The following CALU variants were observed in gnomAD, a reference collection of about 807,000 sequenced individuals.
CALU encodes the protein calumenin, also known as IEF SSP 9302.
Under a neutral mutation model 37.5 loss-of-function variants are expected in CALU, and 13 were observed. The ratio of observed to expected loss-of-function variants is 0.35; its 90% CI spans 0.23 to 0.55. The LOEUF is 0.55. Among genes scored for constraint, CALU ranks in the 20% least tolerant of loss-of-function variants. The pLI is 0.89. For missense variants in CALU, 282 were observed against 391.7 expected, an observed-to-expected ratio of 0.72 and a Z score of 2.36; for synonymous variants, 114 against 133.8, an observed-to-expected ratio of 0.85 and a Z score of 1.02.
intron 1 of CALU, among the ~76,000 whole-genome samples, chr7:128,741,220 A>G (rs1376325144): frequency 6.6e-6 from 1 of 152,256 alleles, no homozygotes; most frequent in African/African-American, 2.4e-5. Context: ...AAGACAGCTG[A>G]AATAACACTT....
chr7:128,740,172 G>A (rs1439019380), intron 1 of CALU, among the ~76,000 whole-genome samples: 1 of 152,164 alleles, frequency 6.6e-6, no homozygotes, highest in Non-Finnish European at 1.5e-5. Flanking sequence ...TATAGCTGCC[G>A]CGATTAAGCG....
chr7:128,772,509 T>G lies in CALU; in HGVS notation c.*3342T>G, dbSNP rs1262328678. On this transcript the variant is annotated 3_prime_UTR_variant, in exon 7 of 7. Coordinates refer to ENST00000249364, the MANE Select transcript of CALU (RefSeq NM_001219.5). The stretch of plus-strand genomic sequence containing the variant: ...CTTACTTAAAAGTAAAATTTAATTC[T>G]AGCTGTTGCAAACAGGCCAATATTG... 3.1e-6 allele frequency: 5 copies of G among 1,613,934 alleles called. No individual in the cohort carries two copies. Among genetic ancestry groups the G allele is most frequent in the Non-Finnish European group, 4.2e-6 (5 of 1,179,800 alleles).
chr7:128,765,655 A>C (rs1295624038), intron 5 of CALU, among the ~76,000 whole-genome samples: 1 of 152,236 alleles, frequency 6.6e-6, no homozygotes, highest in African/African-American at 2.4e-5. Context: ...TACAATTATT[A>C]ATACACAATT....
intron 3 of CALU, among the ~76,000 whole-genome samples, chr7:128,755,739 G>A (rs1211754487): frequency 2.0e-5 from 3 of 152,134 alleles, no homozygotes; most frequent in African/African-American, 7.2e-5. Flanking sequence ...ATGATCCAGG[G>A]TGTTTTTATT....
rs151294368 is a variant in CALU at position 128,767,622 on chromosome 7, C to T, written c.810C>T (p.Ala270=). ...PSDYDHAEAE[A]RHLVYESDQN... ...ACTATGATCATGCAGAGGCAGAAGCCAGGCACCTGGTCTATGAATCAGACC... is the reference window on the plus strand; with the variant it reads ...ACTATGATCATGCAGAGGCAGAAGCTAGGCACCTGGTCTATGAATCAGACC... The change falls in exon 6 of 7, where the codon GCC becomes GCT. Residue 270 remains alanine, a synonymous_variant. Coordinates refer to ENST00000249364, the MANE Select transcript of CALU (RefSeq NM_001219.5). 1 of 1,614,180 alleles carries T rather than the reference C, an allele frequency of 6.2e-7. No individual in the cohort carries two copies. The highest frequency in any genetic ancestry group is 1.3e-5 in the African/African-American group (1 of 75,050).
At chr7:128,743,063 A>G (rs1297420217) in intron 1 of CALU, among the ~76,000 whole-genome samples, 1 of 152,168 alleles carries the variant, frequency 6.6e-6, no homozygotes, top group African/African-American at 2.4e-5. Context: ...GAAATGTAAC[A>G]CTTATACCAA....
At chr7:128,745,848 TAGAC>T (rs1489797698) in intron 1 of CALU, among the ~76,000 whole-genome samples, 1 of 152,158 alleles carries the variant, frequency 6.6e-6, no homozygotes, top group Non-Finnish European at 1.5e-5. Context: ...TCATACAAAT[TAGAC>T]AGTACAGCAG....
rs1393650187 is a variant in CALU at position 128,771,717 on chromosome 7, C to T, written c.*2550C>T. ...CGTATAACTGGAGAGACCTGCTGCT[C>T]GTTATATAATTATCTGATACCAAAC... On this transcript the variant is annotated 3_prime_UTR_variant, in exon 7 of 7. Coordinates refer to ENST00000249364, the MANE Select transcript of CALU (RefSeq NM_001219.5). 3.9e-5 allele frequency: 6 copies of T among 152,148 alleles called. No homozygotes were observed. Among genetic ancestry groups the T allele is most frequent in the Admixed American group, 6.5e-5 (1 of 15,268 alleles). The allele number at this position is 152,148 out of a possible 1,614,324, so 9.4% of individuals were successfully genotyped here. A position where few individuals can be genotyped will look rare whatever the true frequency, so the allele number is the denominator to read the frequency against.
chr7:128,748,879 C>A, intron 2 of CALU, 75 bp downstream of exon 2: 1 of 997,266 alleles, frequency 1.0e-6, no homozygotes. Flanking sequence ...TCTTTTCTGG[C>A]TCAGTTATGA....
At chr7:128,748,342 A>G (rs1274313413) in intron 1 of CALU, 2 of 1,489,252 alleles carry the variant, frequency 1.3e-6, no homozygotes, top group Non-Finnish European at 1.8e-6. Context: ...GTTTCTTATC[A>G]GCCTACAATC....
intron 6 of CALU, among the ~76,000 whole-genome samples, chr7:128,768,848 A>AAAAAAAAAAAAAAAC (rs1801436774): frequency 2.0e-5 from 2 of 99,544 alleles, no homozygotes; most frequent in Non-Finnish European, 4.3e-5. Context: ...ACTCCGTCTC[A>AAAAAAAAAAAAAAAC]AAAAAAAAAA....
intron 3 of CALU, among the ~76,000 whole-genome samples, chr7:128,758,221 G>A (rs929083282): frequency 2.0e-5 from 3 of 151,938 alleles, no homozygotes; most frequent in South Asian, 4.2e-4. Flanking sequence ...AGATTTCTGC[G>A]TTGACTGAAA....
At chr7:128,750,378 A>G (rs1800626816) in intron 2 of CALU, among the ~76,000 whole-genome samples, 1 of 152,174 alleles carries the variant, frequency 6.6e-6, no homozygotes, top group Non-Finnish European at 1.5e-5. Context: ...TAGGTTTGGT[A>G]TCATTTAGGG....
chr7:128,744,614 G>A (rs1449739096), intron 1 of CALU, among the ~76,000 whole-genome samples: 1 of 152,084 alleles, frequency 6.6e-6, no homozygotes, highest in African/African-American at 2.4e-5. Context: ...CTTGATGACC[G>A]TTGTAGGCAG....
rs769238341 is a variant in CALU, at chr7:128,772,505, A to T, written c.*3338A>T. The T allele has an allele frequency of 6.2e-7, 1 of 1,613,792 alleles. No individual in the cohort carries two copies. The highest frequency in any genetic ancestry group is 2.2e-5 in the East Asian group (1 of 44,870). Reference sequence around the variant, plus strand: ...GAAACTTACTTAAAAGTAAAATTTAATTCTAGCTGTTGCAAACAGGCCAAT... The same window carrying T: ...GAAACTTACTTAAAAGTAAAATTTATTTCTAGCTGTTGCAAACAGGCCAAT... On this transcript the variant is annotated 3_prime_UTR_variant, in exon 7 of 7. Coordinates refer to ENST00000249364, the MANE Select transcript of CALU (RefSeq NM_001219.5).
intron 5 of CALU, among the ~76,000 whole-genome samples, chr7:128,765,983 GTC>G (rs1236386421): frequency 1.3e-5 from 2 of 152,036 alleles, no homozygotes; most frequent in Admixed American, 6.6e-5. Flanking sequence ...TCAAGGTGGA[GTC>G]TCTCTCTCTC....
intron 2 of CALU, among the ~76,000 whole-genome samples, chr7:128,752,588 G>C (rs868642889): frequency 6.6e-6 from 1 of 152,268 alleles, no homozygotes; most frequent in South Asian, 2.1e-4. Context: ...TATTGGTATA[G>C]CTTCATCTGT....
intron 6 of CALU, among the ~76,000 whole-genome samples, chr7:128,768,857 A>AAAAAAAAAAAACAAAAAC: frequency 6.7e-6 from 1 of 150,342 alleles, no homozygotes; most frequent in Non-Finnish European, 1.5e-5. Context: ...CAAAAAAAAA[A>AAAAAAAAAAAACAAAAAC]AAAAAAAAAA....
At chr7:128,746,404 C>T (rs148266443) in intron 1 of CALU, among the ~76,000 whole-genome samples, 206 of 152,110 alleles carry the variant, frequency 1.4e-3, no homozygotes, top group African/African-American at 4.5e-3. Flanking sequence ...GTGATCCTCC[C>T]GCCTCGGCCT....
Sources: allele counts gnomAD v4.1 joint callset (sites outside exome capture counted in the v4.1 genomes callset), GRCh38; gene constraint gnomAD v4.1.1; transcripts MANE v1.5; gene names NCBI Gene and HGNC (gene_info 2026-07-23, HGNC 2026-07-21).